The following ZNF320 variants were observed in gnomAD, a reference collection of about 807,000 sequenced individuals.
The protein encoded by ZNF320 is zinc finger gene 320.
ZNF320 carries 2 observed loss-of-function variants against 6.8 expected under a neutral mutation model. The ratio of observed to expected loss-of-function variants is 0.29; its 90% CI spans 0.12 to 0.93. The LOEUF (loss-of-function observed/expected upper bound fraction) is 0.93, where lower values mean the gene tolerates loss of function less well. Among genes scored for constraint, ZNF320 ranks in the 40% least tolerant of loss-of-function variants. The pLI, the probability that ZNF320 is intolerant of heterozygous loss-of-function variation, is 0.55. For missense variants in ZNF320, 472 were observed against 611.0 expected (o/e 0.77, Z 2.40); for synonymous variants, 208 against 203.2 (o/e 1.02, Z -0.20).
intron 2 of ZNF320, among the ~76,000 whole-genome samples, chr19:52,892,898 A>AGGT (rs1568729826): frequency 1.3e-5 from 2 of 148,450 alleles, no homozygotes; most frequent in Non-Finnish European, 3.0e-5. Flanking sequence ...CTCTGATGAG[A>AGGT]CTCCCTCTTT....
chr19:52,881,713 C>T lies in ZNF320; in HGVS notation c.413G>A (p.Gly138Asp), dbSNP rs1312870112. The T allele has an allele frequency of 6.2e-7, 1 of 1,613,962 alleles. No homozygotes were observed. The highest frequency in any genetic ancestry group is 8.5e-7 in the Non-Finnish European group (1 of 1,179,888). ...QRHAGNKPIK[G>D]QLESRFHLHL... is the part of the protein sequence containing the mutation. ...CAAATGAAATCTTGATTCAAGCTGA[C>T]CTTTAATAGGCTTGTTTCCAGCATG... Residue 138 changes from glycine to aspartate, a missense_variant, in exon 6 of 6, where the codon GGT (glycine) becomes GAT (aspartate). Gly to Asp is a moderately conservative substitution (Grantham distance 94, BLOSUM62 -1). Transcript: ENST00000682928.
At position 52,867,193 on chromosome 19, in the gene ZNF320, T is replaced by A. The variant is rs574944982; in HGVS notation, c.224-3034A>T. Among the ~76,000 whole-genome samples the A allele has an allele frequency of 3.1e-3, 463 of 148,868 alleles. 2 individuals carry two copies. The highest frequency in any genetic ancestry group is 0.01 in the African/African-American group (387 of 38,578). On this transcript the variant is annotated intron_variant, in intron 5 of 5. Coordinates refer to the ZNF320 transcript ENST00000673631. Reference sequence around the variant, plus strand: ...TAATTAATTAATTAATTAATTAATTTATTTATTTATGTATTTATTTTTTGA... The same window carrying A: ...TAATTAATTAATTAATTAATTAATTAATTTATTTATGTATTTATTTTTTGA...
At chr19:52,892,839 C>A (rs2064348323) in intron 2 of ZNF320, among the ~76,000 whole-genome samples, 1 of 151,660 alleles carries the variant, frequency 6.6e-6, no homozygotes, top group Non-Finnish European at 1.5e-5. Flanking sequence ...GCCACCAGCA[C>A]CACTCTGCTC....
At chr19:52,865,477 T>TATATATTAC (rs2063531837) in intron 5 of ZNF320, 1 of 43,984 alleles carries the variant, frequency 2.3e-5, no homozygotes, top group African/African-American at 8.2e-5. Flanking sequence ...ATATTACATA[T>TATATATTAC]ATATATAATA....
At chr19:52,899,071 G>A (rs2064551919), upstream of ZNF320, among the ~76,000 whole-genome samples, 1 of 152,122 alleles carries the variant, frequency 6.6e-6, no homozygotes, top group African/African-American at 2.4e-5. Flanking sequence ...ATGTCTTTTT[G>A]TGTAATAGAT....
At chr19:52,903,628 A>G in the ZNF320 span, among the ~76,000 whole-genome samples, 1 of 152,074 alleles carries the variant, frequency 6.6e-6, no homozygotes, top group Non-Finnish European at 1.5e-5. Context: ...GTTACACCAT[A>G]ATCTCCTTTA....
chr19:52,881,672 T>C lies in ZNF320; in HGVS notation c.454A>G (p.Arg152Gly), dbSNP rs1177697365. The change falls in exon 6 of 6, where the codon AGG (arginine) becomes GGG (glycine). Residue 152 changes from arginine (R) to glycine (G), a missense_variant. Physicochemically the swap from Arg to Gly is moderately radical, Grantham distance 125 (BLOSUM62 -2). Around this residue, in one of 2 missense-constraint regions of ZNF320, gnomAD observed 462 missense variants for 559.7 expected, o/e 0.83. Transcript: ENST00000682928. ...SRFHLHLRRH[R>G]RIHTGEKPYK... ...GGTTTCTCTCCAGTATGAATTCTCC[T>C]ATGTCTTCGCAAATGCAAATGAAAT... 1.2e-6 allele frequency: 2 copies of C among 1,613,942 alleles called. No individual in the cohort carries two copies.
At chr19:52,863,244 A>G (rs142857184) in exon 6 of ZNF320, among the ~76,000 whole-genome samples, 33 of 152,362 alleles carry the variant, frequency 2.2e-4, no homozygotes, top group African/African-American at 4.6e-4. Context: ...TATGAAATAT[A>G]TAACACATAG....
At chr19:52,899,936 T>C (rs576481018), upstream of ZNF320, among the ~76,000 whole-genome samples, 71 of 152,322 alleles carry the variant, frequency 4.7e-4, 1 homozygote, top group South Asian at 6.4e-3. Flanking sequence ...CTTACAGTAT[T>C]ATATAATTCT....
At chr19:52,901,653 G>A (rs2064571538), upstream of ZNF320, among the ~76,000 whole-genome samples, 1 of 152,174 alleles carries the variant, frequency 6.6e-6, no homozygotes, top group African/African-American at 2.4e-5. Flanking sequence ...TGGTTATGTG[G>A]GGATTTTCAC....
At chr19:52,890,392 G>A (rs1481818885) in intron 3 of ZNF320, 64 bp from the exon 4 acceptor site, 31 of 1,280,696 alleles carry the variant, frequency 2.4e-5, no homozygotes, top group Non-Finnish European at 3.3e-5. Context: ...ATAACACAAT[G>A]ACACATACAA....
At chr19:52,892,717 TC>T (rs893953947) in intron 2 of ZNF320, among the ~76,000 whole-genome samples, 55 of 152,112 alleles carry the variant, frequency 3.6e-4, no homozygotes, top group South Asian at 2.5e-3. Flanking sequence ...CTGTGCATCC[TC>T]TGCTCTCCCT....
intron 5 of ZNF320, among the ~76,000 whole-genome samples, chr19:52,885,857 T>C (rs1367696661): frequency 1.3e-5 from 2 of 152,180 alleles, no homozygotes; most frequent in Admixed American, 6.5e-5. Flanking sequence ...GGTGTCAAGA[T>C]TGCAGCACTG....
At chr19:52,861,125 T>G (rs1471395802) in exon 6 of ZNF320, among the ~76,000 whole-genome samples, 2 of 151,884 alleles carry the variant, frequency 1.3e-5, no homozygotes, top group African/African-American at 4.8e-5. Flanking sequence ...ATCCAAAGAG[T>G]CAACCAAAAT....
rs1410372392 is a variant in ZNF320 at position 52,876,262 on chromosome 19, C to T, written c.*4334G>A. ...AGTACACATCGAAACAACCTAAAAT[C>T]ATTTATCAGGTACTAGAAAATGTTT... On this transcript the variant is annotated 3_prime_UTR_variant, in exon 6 of 6. Coordinates refer to ENST00000682928, the MANE Select transcript of ZNF320 (RefSeq NM_001351774.2). The T allele has an allele frequency of 6.6e-6, 1 of 152,136 alleles. No homozygotes were observed. Among genetic ancestry groups the T allele is most frequent in the Non-Finnish European group, 1.5e-5 (1 of 68,024 alleles). The allele number at this position is 152,136 out of a possible 1,614,324, so 9.4% of individuals were successfully genotyped here. A position where few individuals can be genotyped will look rare whatever the true frequency, so the allele number is the denominator to read the frequency against.
At chr19:52,882,719 C>T (rs2063960194) in intron 5 of ZNF320, among the ~76,000 whole-genome samples, 1 of 152,178 alleles carries the variant, frequency 6.6e-6, no homozygotes, top group African/African-American at 2.4e-5. Flanking sequence ...GAGGCAGGCA[C>T]ATCGCCTCAG....
chr19:52,865,649 A>ATATATGATTATACATATATAT (rs1467753571), intron 5 of ZNF320, among the ~76,000 whole-genome samples: 3 of 128,182 alleles, frequency 2.3e-5, no homozygotes, highest in Non-Finnish European at 3.1e-5. Context: ...ATATATATTT[A>ATATATGATTATACATATATAT]TATATGATTA....
intron 2 of ZNF320, among the ~76,000 whole-genome samples, chr19:52,892,916 CT>C: frequency 7.4e-6 from 1 of 135,662 alleles, no homozygotes; most frequent in East Asian, 2.1e-4. Flanking sequence ...TTTGCTGTCC[CT>C]CTCCCTACCT....
chr19:52,898,018 G>A (rs187182860), upstream of ZNF320, among the ~76,000 whole-genome samples: 1 of 152,284 alleles, frequency 6.6e-6, no homozygotes, highest in Admixed American at 6.5e-5. Context: ...AACGTGAGGC[G>A]GTCATTGGAC....
Sources: allele counts gnomAD v4.1 joint callset (sites outside exome capture counted in the v4.1 genomes callset), GRCh38; gene constraint gnomAD v4.1.1; regional missense constraint gnomAD v4.1.1; transcripts MANE v1.5; gene names NCBI Gene and HGNC (gene_info 2026-07-23, HGNC 2026-07-21).